The following CYP2R1 variants were observed in gnomAD, a reference collection of about 807,000 sequenced individuals.
CYP2R1 encodes the protein vitamin D 25-hydroxylase.
In CYP2R1, 40 loss-of-function variants were observed where a neutral mutation model predicts 45.7. The ratio of observed to expected loss-of-function variants is 0.87; its 90% CI spans 0.68 to 1.14. The LOEUF is 1.14. Ranked by LOEUF, CYP2R1 falls within the 50% of genes most tolerant of loss-of-function variation. CYP2R1 has a pLI of 0.00. For missense variants in CYP2R1, 605 were observed against 602.6 expected, an observed-to-expected ratio of 1.00 and a Z score of -0.04; for synonymous variants, 234 against 219.3, an observed-to-expected ratio of 1.07 and a Z score of -0.59.
At chr11:14,887,128 A>G (rs977200459) in intron 1 of CYP2R1, 2 of 152,262 alleles carry the variant, frequency 1.3e-5, no homozygotes, top group African/African-American at 2.4e-5. Flanking sequence ...CTATTAAAGG[A>G]AAGTCTCTTC....
chr11:14,887,792 C>T (rs1489364012), intron 1 of CYP2R1: 2 of 173,818 alleles, frequency 1.2e-5, no homozygotes, highest in Non-Finnish European at 2.3e-5. Context: ...TTCTTCCAAA[C>T]TCCACATCCA....
intron 2 of CYP2R1, among the ~76,000 whole-genome samples, chr11:14,882,900 C>G (rs1334754515): frequency 8.6e-5 from 13 of 152,018 alleles, no homozygotes; most frequent in Non-Finnish European, 1.2e-4. Flanking sequence ...CAGACAAACA[C>G]AGAGCCAAAT....
At chr11:14,884,638 A>C (rs1163165984) in intron 2 of CYP2R1, among the ~76,000 whole-genome samples, 1 of 152,066 alleles carries the variant, frequency 6.6e-6, no homozygotes, top group African/African-American at 2.4e-5. Context: ...ATATGTAACT[A>C]ACCTGCAAAT....
chr11:14,884,628 A>G (rs1388202631), intron 2 of CYP2R1, among the ~76,000 whole-genome samples: 1 of 151,990 alleles, frequency 6.6e-6, no homozygotes, highest in Admixed American at 6.6e-5. Flanking sequence ...ACATGTATAC[A>G]TATGTAACTA....
intron 1 of CYP2R1, among the ~76,000 whole-genome samples, chr11:14,889,036 T>C (rs1848724822): frequency 6.6e-6 from 1 of 152,186 alleles, no homozygotes; most frequent in Non-Finnish European, 1.5e-5. Flanking sequence ...GCCTTTAAAA[T>C]GAATATATAA....
chr11:14,890,987 C>G, intron 1 of CYP2R1: 4 of 985,462 alleles, frequency 4.1e-6, no homozygotes, highest in Non-Finnish European at 4.8e-6. Flanking sequence ...TTAGTTTTCT[C>G]TCTCCCACTC....
At chr11:14,881,995 T>C (rs1240616194) in intron 2 of CYP2R1, among the ~76,000 whole-genome samples, 2 of 152,138 alleles carry the variant, frequency 1.3e-5, no homozygotes, top group Non-Finnish European at 2.9e-5. Context: ...CAACAACTTA[T>C]TGTGCAATAA....
chr11:14,880,507 A>G lies in CYP2R1; in HGVS notation c.629T>C (p.Met210Thr). 1.2e-6 allele frequency: 2 copies of G among 1,613,418 alleles called. No individual in the cohort carries two copies. The highest frequency in any genetic ancestry group is 1.7e-6 in the Non-Finnish European group (2 of 1,179,584). The part of the protein sequence containing the change: ...FTYEDTDFQH[M>T]IELFSENVEL... ...CACATTTTCACTAAATAACTCAATC[A>G]TGTGCTGAAAATCGGTGTCTTCATA... Residue 210 changes from methionine (M) to threonine (T), a missense_variant, in exon 3 of 5, where the codon ATG (methionine) becomes ACG (threonine). By Grantham distance (81) the Met-to-Thr change is moderately conservative. Transcript: ENST00000334636.
intron 1 of CYP2R1, chr11:14,890,992 C>T: frequency 1.0e-6 from 1 of 985,408 alleles, no homozygotes. Context: ...TTTCTCTCTC[C>T]CACTCATCTG....
chr11:14,880,075 A>G, intron 3 of CYP2R1, 61 bp downstream of exon 3: 5 of 1,576,570 alleles, frequency 3.2e-6, no homozygotes, highest in Non-Finnish European at 4.3e-6. Flanking sequence ...GCCAAGACTC[A>G]AAAACATGTA....
At chr11:14,879,494 TAA>T in intron 3 of CYP2R1, 51 bp from the exon 4 acceptor site, 1 of 1,380,790 alleles carries the variant, frequency 7.2e-7, no homozygotes, top group Non-Finnish European at 1.0e-6. Flanking sequence ...GAATTATACC[TAA>T]AGTTATTTCC....
intron 2 of CYP2R1, among the ~76,000 whole-genome samples, chr11:14,882,105 C>A (rs1293646397): frequency 6.6e-6 from 1 of 152,044 alleles, no homozygotes; most frequent in Non-Finnish European, 1.5e-5. Flanking sequence ...TCTATACTCC[C>A]AGATGACTAT....
intron 3 of CYP2R1, among the ~76,000 whole-genome samples, chr11:14,879,852 T>C (rs545970244): frequency 6.6e-5 from 10 of 152,280 alleles, no homozygotes; most frequent in Non-Finnish European, 1.3e-4. Flanking sequence ...AAATTAGTTT[T>C]TAAAATTCTA....
At chr11:14,878,460 C>T (rs1344465623) in intron 4 of CYP2R1, among the ~76,000 whole-genome samples, 163 bp from the exon 5 acceptor site, 1 of 152,050 alleles carries the variant, frequency 6.6e-6, no homozygotes, top group Non-Finnish European at 1.5e-5. Flanking sequence ...TAGAAATTGA[C>T]ACTTCAGCAA....
intron 1 of CYP2R1, chr11:14,890,425 T>C: frequency 3.1e-6 from 3 of 975,242 alleles, no homozygotes; most frequent in Non-Finnish European, 3.7e-6. Context: ...CTAAGAATTA[T>C]ACATACCTTT....
intron 1 of CYP2R1, chr11:14,890,441 CT>C (rs1370884220): frequency 1.3e-5 from 13 of 981,470 alleles, no homozygotes; most frequent in African/African-American, 1.8e-5. Flanking sequence ...CCTTTATTAT[CT>C]CGTCCAGCTT....
chr11:14,888,159 C>G (rs185372256), intron 1 of CYP2R1, among the ~76,000 whole-genome samples: 4 of 152,232 alleles, frequency 2.6e-5, no homozygotes, highest in Admixed American at 2.0e-4. Flanking sequence ...ATTCCCTTAC[C>G]CTAATTTAGT....
At position 14,880,482 on chromosome 11, in the gene CYP2R1, C is replaced by T. The variant is rs782809546; in HGVS notation, c.654G>A (p.Val218=). 1 of 1,613,432 alleles carries T rather than the reference C, an allele frequency of 6.2e-7. No individual in the cohort carries two copies. Among genetic ancestry groups the T allele is most frequent in the Admixed American group, 1.7e-5 (1 of 59,852 alleles). Residue 218 remains valine (V), a synonymous_variant, in exon 3 of 5, where the codon GTG becomes GTA. Transcript: ENST00000334636. ...QHMIELFSEN[V]ELAASASVFL... is the part of the protein sequence containing the mutation. ...AGACTGAGGCACTGGCAGCTAGTTC[C>T]ACATTTTCACTAAATAACTCAATCA...
chr11:14,892,189 CT>C lies in CYP2R1; in HGVS notation c.16del (p.Arg6GlufsTer20), dbSNP rs782175352. The C allele has an allele frequency of 5.0e-6, 8 of 1,610,326 alleles. No homozygotes were observed. The highest frequency in any genetic ancestry group is 6.8e-6 in the Non-Finnish European group (8 of 1,179,824). On this transcript the variant is annotated frameshift_variant, in exon 1 of 5. Transcript: ENST00000334636. LOFTEE classifies it high-confidence loss of function. ...GAGCGCCGCCGCGCCCTCTTCAGCT[CT>C]CCAAAGCTTCCACATCGGCCCGAGC... MWKLWRAEEGAAALGG... is the reference protein window; with the variant it reads MWKLWXAEEGAAALGG...
Sources: gnomAD v4.1 joint callset for allele counts (sites outside exome capture counted in the v4.1 genomes callset) on GRCh38, gnomAD v4.1.1 for gene constraint, MANE v1.5 for transcripts, NCBI Gene and HGNC (gene_info 2026-07-23, HGNC 2026-07-21) for gene names.